PCSK6: variants seen among roughly 807,000 people sequenced by gnomAD.
PCSK6 encodes the protein proprotein convertase subtilisin/kexin type 6.
A neutral mutation model predicts 123.3 loss-of-function variants in PCSK6; 85 were observed. The ratio of observed to expected loss-of-function variants is 0.69; its 90% CI spans 0.58 to 0.83. The LOEUF is 0.83. PCSK6 is among the 40% of genes least tolerant of loss of function. The pLI is 0.00. For synonymous variants in PCSK6, 508 were observed against 516.0 expected, an observed-to-expected ratio of 0.98 and a Z score of 0.21; for missense variants, 1,191 against 1,282.3, an observed-to-expected ratio of 0.93 and a Z score of 1.09.
chr15:101,365,925 G>A (rs1247299098), intron 13 of PCSK6: 3 of 263,884 alleles, frequency 1.1e-5, no homozygotes, highest in Admixed American at 1.1e-4. Flanking sequence ...AATGGGGAGT[G>A]GCTGCTTCAT....
intron 13 of PCSK6, among the ~76,000 whole-genome samples, chr15:101,340,945 A>AT (rs34151107): frequency 0.017 from 2,428 of 139,384 alleles, 29 homozygotes; most frequent in African/African-American, 0.028. Context: ...CTTCTCCCAA[A>AT]TTTTTTTTTT....
intron 15 of PCSK6, among the ~76,000 whole-genome samples, chr15:101,328,113 T>C (rs2040299353): frequency 2.0e-5 from 3 of 152,240 alleles, no homozygotes; most frequent in Admixed American, 2.0e-4. Context: ...AAATTACCCA[T>C]TGAGCCCAAA....
chr15:101,349,239 C>A (rs2040828474), intron 13 of PCSK6, among the ~76,000 whole-genome samples: 1 of 152,156 alleles, frequency 6.6e-6, no homozygotes, highest in East Asian at 1.9e-4. Context: ...ATCATCTCCT[C>A]CTGGCAGTTT....
At chr15:101,480,454 G>A (rs2057847226) in intron 1 of PCSK6, among the ~76,000 whole-genome samples, 1 of 152,232 alleles carries the variant, frequency 6.6e-6, no homozygotes, top group Non-Finnish European at 1.5e-5. Context: ...GACACTGAGG[G>A]CATTGATGGG....
At chr15:101,441,441 AAC>A (rs956957268) in intron 2 of PCSK6, among the ~76,000 whole-genome samples, 2 of 152,080 alleles carry the variant, frequency 1.3e-5, no homozygotes, top group Non-Finnish European at 2.9e-5. Flanking sequence ...AGAACTCAGC[AAC>A]ACAGAGACCT....
chr15:101,368,939 AC>A (rs2041488412), intron 12 of PCSK6, among the ~76,000 whole-genome samples: 1 of 152,196 alleles, frequency 6.6e-6, no homozygotes, highest in African/African-American at 2.4e-5. Context: ...GTCCGCTGAC[AC>A]CGAACTGCTC....
At chr15:101,318,155 G>A (rs568913536) in intron 19 of PCSK6, among the ~76,000 whole-genome samples, 164 bp downstream of exon 19, 11 of 152,280 alleles carry the variant, frequency 7.2e-5, no homozygotes, top group East Asian at 3.9e-4. Context: ...CCACTCTCCC[G>A]GCCCCCAGTC....
rs2042651185 is a variant in PCSK6, at chr15:101,403,250, AT to A, written c.824-4675del. Among the ~76,000 whole-genome samples, 7 of 122,844 alleles carry A rather than the reference AT, an allele frequency of 5.7e-5. No homozygotes were observed. The South Asian group carries it at 1.9e-3, about 33-fold the overall frequency. The allele number at this position is 122,844 out of a possible 152,430, so 80.6% of individuals were successfully genotyped here. A position where few individuals can be genotyped will look rare whatever the true frequency, so the allele number is the denominator to read the frequency against. Reference sequence around the variant, plus strand: ...AACACATGGACACAGGAAGGGGAACATCACACTCTGGGGACTGTTGTGGGGT... The same window carrying A: ...AACACATGGACACAGGAAGGGGAACACACACTCTGGGGACTGTTGTGGGGT... On this transcript the variant is annotated intron_variant, in intron 6 of 21. Transcript: ENST00000611716.
At chr15:101,374,437 A>G (rs1195561509) in intron 11 of PCSK6, among the ~76,000 whole-genome samples, 2 of 152,148 alleles carry the variant, frequency 1.3e-5, no homozygotes, top group Admixed American at 6.5e-5. Context: ...AAGCTACTCC[A>G]TGTCAGTATT....
intron 11 of PCSK6, among the ~76,000 whole-genome samples, chr15:101,373,137 T>C (rs1339811401): frequency 2.0e-5 from 3 of 152,110 alleles, no homozygotes. Context: ...TTTTTATTCC[T>C]GCTAAGGGAC....
At chr15:101,340,198 T>C (rs1189907242) in intron 13 of PCSK6, among the ~76,000 whole-genome samples, 1 of 152,002 alleles carries the variant, frequency 6.6e-6, no homozygotes, top group Non-Finnish European at 1.5e-5. Context: ...ACCCATAACA[T>C]GCACACCCAC....
intron 5 of PCSK6, 59 bp downstream of exon 5, chr15:101,429,928 C>G (rs906879106): frequency 2.8e-6 from 4 of 1,409,140 alleles, no homozygotes; most frequent in African/African-American, 1.4e-5. Flanking sequence ...CACACACATT[C>G]AATAGTGACG....
At chr15:101,307,078 T>G in intron 21 of PCSK6, 135 bp downstream of exon 21, 1 of 650,816 alleles carries the variant, frequency 1.5e-6, no homozygotes, top group East Asian at 2.7e-5. Flanking sequence ...TCCCAGACAG[T>G]CAATCGGATC....
chr15:101,307,582 G>A (rs890795730), intron 20 of PCSK6: 3 of 435,510 alleles, frequency 6.9e-6, no homozygotes, highest in South Asian at 2.7e-5. Context: ...CCAGGATCAG[G>A]GGCCAGGCCT....
chr15:101,437,542 C>A (rs780771154), intron 2 of PCSK6, among the ~76,000 whole-genome samples: 2 of 152,224 alleles, frequency 1.3e-5, no homozygotes, highest in African/African-American at 2.4e-5. Context: ...GCCTCCCCTG[C>A]AGCCATAACT....
intron 12 of PCSK6, 103 bp downstream of exon 12, chr15:101,370,232 A>G: frequency 1.0e-6 from 1 of 964,656 alleles, no homozygotes; most frequent in Non-Finnish European, 1.4e-6. Context: ...CCAACGCCAG[A>G]GGGCCTTGCA....
chr15:101,321,966 G>A (rs988041745), intron 18 of PCSK6, among the ~76,000 whole-genome samples: 3 of 152,272 alleles, frequency 2.0e-5, no homozygotes, highest in African/African-American at 7.2e-5. Context: ...CATTAAATGG[G>A]CTGAAGAAAC....
intron 2 of PCSK6, among the ~76,000 whole-genome samples, chr15:101,440,818 C>T (rs1170034252): frequency 6.6e-6 from 1 of 152,126 alleles, no homozygotes; most frequent in Admixed American, 6.5e-5. Flanking sequence ...CTAATTTCAC[C>T]AAGTGTTTAA....
At chr15:101,400,647 C>T (rs1403821923) in intron 6 of PCSK6, among the ~76,000 whole-genome samples, 1 of 152,182 alleles carries the variant, frequency 6.6e-6, no homozygotes, top group Non-Finnish European at 1.5e-5. Flanking sequence ...ATCCTGCTGT[C>T]CCATCCATTT....
Sources: gnomAD v4.1 joint callset for allele counts (sites outside exome capture counted in the v4.1 genomes callset) on GRCh38, gnomAD v4.1.1 for gene constraint, MANE v1.5 for transcripts, NCBI Gene and HGNC (gene_info 2026-07-23, HGNC 2026-07-21) for gene names.